Variants in TAF4 observed in about 807,000 individuals in gnomAD.
TAF4 encodes the protein transcription initiation factor TFIID subunit 4.
TAF4 carries 9 observed loss-of-function variants against 90.3 expected under a neutral mutation model. The ratio of observed to expected loss-of-function variants is 0.10; its 90% CI spans 0.06 to 0.17. TAF4 has a LOEUF of 0.17. Among genes scored for constraint, TAF4 ranks in the 10% least tolerant of loss-of-function variants. The pLI is 1.00. For missense variants in TAF4, 1,351 were observed against 1,370.7 expected, an observed-to-expected ratio of 0.99 and a Z score of 0.23; for synonymous variants, 818 against 638.9, an observed-to-expected ratio of 1.28 and a Z score of -4.23.
At chr20:61,994,650 G>T (rs1009364180) in intron 14 of TAF4, among the ~76,000 whole-genome samples, 1 of 152,190 alleles carries the variant, frequency 6.6e-6, no homozygotes, top group African/African-American at 2.4e-5. Flanking sequence ...CCAGCACGGA[G>T]GTCTGGGACA....
chr20:62,013,056 G>A (rs1044562414), intron 2 of TAF4, 122 bp from the exon 3 acceptor site: 14 of 1,374,036 alleles, frequency 1.0e-5, no homozygotes, highest in African/African-American at 4.4e-5. Flanking sequence ...AGGCTTATCC[G>A]TGATCTGCAA....
chr20:62,032,181 A>G (rs1472736064), intron 1 of TAF4, among the ~76,000 whole-genome samples: 1 of 152,202 alleles, frequency 6.6e-6, no homozygotes, highest in African/African-American at 2.4e-5. Context: ...CTTCCAGGCC[A>G]GCGGTGGGGG....
chr20:62,051,621 G>C (rs570419300), intron 1 of TAF4, among the ~76,000 whole-genome samples: 6 of 152,006 alleles, frequency 3.9e-5, no homozygotes, highest in Admixed American at 3.9e-4. Context: ...CTGATCCACA[G>C]AGGCCACCCT....
At chr20:62,017,727 C>A (rs956151176) in intron 1 of TAF4, among the ~76,000 whole-genome samples, 1 of 151,918 alleles carries the variant, frequency 6.6e-6, no homozygotes, top group Non-Finnish European at 1.5e-5. Context: ...AATCCAGCTA[C>A]TTCAGAAGCT....
At chr20:62,033,443 A>ATT (rs958334083) in intron 1 of TAF4, among the ~76,000 whole-genome samples, 10 of 152,206 alleles carry the variant, frequency 6.6e-5, no homozygotes, top group African/African-American at 2.4e-4. Flanking sequence ...ACTTCAGAAA[A>ATT]TAAGAAGTGG....
rs558431670 is a variant in TAF4 at position 61,976,294 on chromosome 20, G to A, written c.3132C>T (p.Val1044=). 6.2e-6 allele frequency: 10 copies of A among 1,613,830 alleles called. No individual in the cohort carries two copies. The highest frequency in any genetic ancestry group is 4.4e-5 in the South Asian group (4 of 91,078). ...GTCGCGTGAACTGTCTGGGGGTTCCGACACCCGAGCTGCCTGGGACCACTG... is the reference window on the plus strand; with the variant it reads ...GTCGCGTGAACTGTCTGGGGGTTCCAACACCCGAGCTGCCTGGGACCACTG... ...PGSVVPGSSG[V]GTPRQFTRQR... Residue 1044 remains valine, a synonymous_variant, in exon 15 of 15, where the codon GTC becomes GTT. Coordinates refer to ENST00000252996, the MANE Select transcript of TAF4 (RefSeq NM_003185.4).
chr20:62,053,403 C>T lies in TAF4; in HGVS notation c.1360+11048G>A, dbSNP rs1002733283. 2.6e-5 allele frequency among the ~76,000 whole-genome samples: 4 copies of T among 152,344 alleles called. No homozygotes were observed. The East Asian group carries it at 5.8e-4, about 22-fold the overall frequency. Reference sequence around the variant, plus strand: ...GCCCAGCTCTCTGCCGCTCTGGATCCGTCACTAAGCAGCTCCATTAAGTGC... The same window carrying T: ...GCCCAGCTCTCTGCCGCTCTGGATCTGTCACTAAGCAGCTCCATTAAGTGC... On this transcript the variant is annotated intron_variant, in intron 1 of 14. Coordinates refer to ENST00000252996, the MANE Select transcript of TAF4 (RefSeq NM_003185.4).
At chr20:62,007,225 G>A (rs895466848) in intron 6 of TAF4, among the ~76,000 whole-genome samples, 15 of 152,162 alleles carry the variant, frequency 9.9e-5, no homozygotes, top group African/African-American at 7.2e-5. Context: ...ACAGCCTGAC[G>A]CTGTTGAAAC....
rs780901041 is a variant in TAF4 at position 62,003,861 on chromosome 20, C to T, written c.2241G>A (p.Pro747=). The T allele has an allele frequency of 7.0e-6, 11 of 1,577,368 alleles. No individual in the cohort carries two copies. Among genetic ancestry groups the T allele is most frequent in the South Asian group, 4.6e-5 (4 of 87,324 alleles). ...GGGGCCGGATCAGGGCTCCTGGCTT[C>T]GGAGGCTGCTGGATGACCTGAGGCA... ...QPTPLVIQQP[P]KPGALIRPPQ... is the part of the protein sequence containing the mutation. Residue 747 remains proline (P), a synonymous_variant, in exon 8 of 15, where the codon CCG becomes CCA. Transcript: ENST00000252996.
chr20:61,997,401 A>C, intron 14 of TAF4, 149 bp downstream of exon 14: 1 of 1,061,176 alleles, frequency 9.4e-7, no homozygotes, highest in South Asian at 3.4e-5. Context: ...AAAATGTCAA[A>C]CGTAAAACAA....
At chr20:62,061,835 C>T (rs1465736999) in intron 1 of TAF4, among the ~76,000 whole-genome samples, 1 of 152,224 alleles carries the variant, frequency 6.6e-6, no homozygotes, top group East Asian at 1.9e-4. Flanking sequence ...ATTACATTAA[C>T]ATAACTGTCT....
chr20:62,012,829 A>C lies in TAF4; in HGVS notation c.1627T>G (p.Ser543Ala), dbSNP rs142422826. 6.2e-7 allele frequency: 1 copy of C among 1,612,358 alleles called. No homozygotes were observed. Among genetic ancestry groups the C allele is most frequent in the Non-Finnish European group, 8.5e-7 (1 of 1,179,526 alleles). ...TVQPSATLQRSPGVQPQLVLG... is the reference protein window; with the variant it reads ...TVQPSATLQRAPGVQPQLVLG... ...TGCCCTCTCACCTGGACGCCGGGCG[A>C]GCGCTGCAGGGTTGCACTGGGCTGC... is the stretch of plus-strand genomic sequence containing the variant. Residue 543 changes from serine to alanine, a missense_variant, in exon 3 of 15, where the codon TCG becomes GCG. Around this residue, in one of 9 missense-constraint regions of TAF4, gnomAD observed 143 missense variants for 176.3 expected, o/e 0.81. Transcript: ENST00000252996.
chr20:62,003,234 G>A lies in TAF4; in HGVS notation c.2412C>T (p.Ala804=), dbSNP rs775561352. The change falls in exon 9 of 15, where the codon GCC becomes GCT. Residue 804 remains alanine, a synonymous_variant. Coordinates refer to ENST00000252996, the MANE Select transcript of TAF4 (RefSeq NM_003185.4). The part of the protein sequence containing the change: ...VKPAVLPGTK[A]LSAVSAQAAA... ...CTGCTTGTGCCGAGACAGCAGAAAGGGCTTTGGTTCCAGGTAACACGGCGG... is the reference window on the plus strand; with the variant it reads ...CTGCTTGTGCCGAGACAGCAGAAAGAGCTTTGGTTCCAGGTAACACGGCGG... 3.1e-6 allele frequency: 5 copies of A among 1,614,156 alleles called. No individual in the cohort carries two copies. Among genetic ancestry groups the A allele is most frequent in the Non-Finnish European group, 3.4e-6 (4 of 1,180,040 alleles).
intron 5 of TAF4, 148 bp from the exon 6 acceptor site, chr20:62,007,784 C>A (rs1017605699): frequency 3.6e-5 from 25 of 697,038 alleles, no homozygotes; most frequent in Non-Finnish European, 5.4e-5. Context: ...CGTGCTACAC[C>A]TTTCACAGGT....
chr20:61,983,418 A>G (rs1300009394), intron 14 of TAF4, among the ~76,000 whole-genome samples: 1 of 152,218 alleles, frequency 6.6e-6, no homozygotes, highest in Non-Finnish European at 1.5e-5. Flanking sequence ...TGCTTTGAAA[A>G]GGGAGGCCAA....
At chr20:62,012,789 A>G (rs2055786974) in intron 3 of TAF4, 26 bp downstream of exon 3, 2 of 1,599,470 alleles carry the variant, frequency 1.3e-6, no homozygotes, top group Non-Finnish European at 1.7e-6. Context: ...CTGCAGCCTC[A>G]AGAGATCCGC....
intron 1 of TAF4, among the ~76,000 whole-genome samples, chr20:62,062,291 T>C (rs1481953963): frequency 1.3e-5 from 2 of 152,218 alleles, no homozygotes; most frequent in Non-Finnish European, 2.9e-5. Flanking sequence ...GATCAATCGA[T>C]TACAGGAAGT....
At chr20:62,051,559 T>C (rs530440160) in intron 1 of TAF4, among the ~76,000 whole-genome samples, 2 of 151,868 alleles carry the variant, frequency 1.3e-5, no homozygotes, top group Non-Finnish European at 2.9e-5. Flanking sequence ...CTCACCGCCA[T>C]AGGACACAGG....
intron 1 of TAF4, among the ~76,000 whole-genome samples, chr20:62,026,376 T>G (rs1467593): frequency 0.24 from 36,221 of 152,128 alleles, 5,334 homozygotes; most frequent in South Asian, 0.4. Flanking sequence ...AGTATCTCAC[T>G]GAGTAGCTCG....
Sources: allele counts gnomAD v4.1 joint callset (sites outside exome capture counted in the v4.1 genomes callset), GRCh38; gene constraint gnomAD v4.1.1; regional missense constraint gnomAD v4.1.1; transcripts MANE v1.5; gene names NCBI Gene and HGNC (gene_info 2026-07-23, HGNC 2026-07-21).